Variants in SACS observed in about 807,000 individuals in gnomAD.
The protein encoded by SACS is sacsin molecular chaperone.
A neutral mutation model predicts 348.0 loss-of-function variants in SACS; 197 were observed. The observed-to-expected ratio is 0.57, with a 90% CI of 0.50 to 0.64. The LOEUF is 0.64. Among genes scored for constraint, SACS ranks in the 30% least tolerant of loss-of-function variants. SACS has a pLI of 0.00. For missense variants in SACS, 4,999 were observed against 5,360.8 expected (o/e 0.93, Z 2.11); for synonymous variants, 1,985 against 1,910.6 (o/e 1.04, Z -1.02).
chr13:23,430,445 A>G (rs1874389819), intron 1 of SACS, among the ~76,000 whole-genome samples: 1 of 152,196 alleles, frequency 6.6e-6, no homozygotes, highest in Non-Finnish European at 1.5e-5. Flanking sequence ...CAGATAAACC[A>G]CGAATTATTT....
intron 2 of SACS, among the ~76,000 whole-genome samples, chr13:23,388,478 G>GGT (rs1197217224): frequency 7.5e-4 from 71 of 95,026 alleles, no homozygotes; most frequent in African/African-American, 2.1e-3. Flanking sequence ...ATAAAAATAT[G>GGT]GTGTGTGTGT....
chr13:23,340,995 G>C lies in SACS; in HGVS notation c.2881C>G (p.Arg961Gly). 1 of 1,614,082 alleles carries C rather than the reference G, an allele frequency of 6.2e-7. No individual in the cohort carries two copies. Among genetic ancestry groups the C allele is most frequent in the Non-Finnish European group, 8.5e-7 (1 of 1,179,958 alleles). ...HHTAKLPADL[R>G]LSISVIDSSD... ...CTGTCTATTACTGAAATAGAAAGTC[G>C]CAGATCTGCTGGGAGTTTGGCAGTA... The change falls in exon 10 of 10, where the codon CGA becomes GGA. Residue 961 changes from arginine (R) to glycine (G), a missense_variant. By Grantham distance (125) the Arg-to-Gly change is moderately radical (BLOSUM62 -2). Around this residue, in one of 6 missense-constraint regions of SACS, gnomAD observed 3,156 missense variants for 3,380.1 expected, o/e 0.93. Coordinates refer to ENST00000382292, the MANE Select transcript of SACS (RefSeq NM_014363.6).
chr13:23,409,774 G>A (rs999062565), intron 2 of SACS, among the ~76,000 whole-genome samples: 3 of 152,106 alleles, frequency 2.0e-5, no homozygotes, highest in Admixed American at 6.5e-5. Context: ...AATTTGGTAC[G>A]TAAAGCCTAT....
Position 23,337,499 on chromosome 13 carries a change from A to G in SACS, c.6377T>C (p.Ile2126Thr), listed in dbSNP as rs373982540. 1.5e-5 allele frequency: 25 copies of G among 1,613,848 alleles called. No individual in the cohort carries two copies. The highest frequency in any genetic ancestry group is 1.5e-4 in the African/African-American group (11 of 74,932). Residue 2126 changes from isoleucine (I) to threonine (T), a missense_variant, in exon 10 of 10, where the codon ATT (isoleucine) becomes ACT (threonine). Physicochemically the swap from Ile to Thr is moderately conservative, Grantham distance 89. Around this residue, in one of 6 missense-constraint regions of SACS, gnomAD observed 3,156 missense variants for 3,380.1 expected, o/e 0.93. Transcript: ENST00000382292. ...ACCATAAGGGAATCTCCCATCTTTA[A>G]TATCAAATAACTTTGCAACTCGTCC... ...PEGRVAKLFD[I>T]KDGRFPYGST...
At position 23,337,416 on chromosome 13, in the gene SACS, C is replaced by T. The variant is rs146031135; in HGVS notation, c.6460G>A (p.Ala2154Thr). 23 of 1,612,556 alleles carry T rather than the reference C, an allele frequency of 1.4e-5. No homozygotes were observed. Among genetic ancestry groups the T allele is most frequent in the African/African-American group, 5.3e-5 (4 of 74,902 alleles). The change falls in exon 10 of 10, where the codon GCA (alanine) becomes ACA (threonine). Residue 2154 changes from alanine to threonine, a missense_variant. Physicochemically the swap from Ala to Thr is moderately conservative, Grantham distance 58. Transcript: ENST00000382292. ...ILIKLVQLGM[A>T]KDDILWDDML... ...TCATCCCATAAAATATCATCTTTTG[C>T]CATACCTAACTGAACTAGTTTAATC...
chr13:23,347,029 A>C (rs1566075371), intron 9 of SACS, among the ~76,000 whole-genome samples: 1 of 152,228 alleles, frequency 6.6e-6, no homozygotes, highest in African/African-American at 2.4e-5. Context: ...GCTATATTTC[A>C]GTGCAAACTA....
chr13:23,389,839 T>C (rs1371997722), intron 2 of SACS, among the ~76,000 whole-genome samples: 1 of 152,218 alleles, frequency 6.6e-6, no homozygotes, highest in African/African-American at 2.4e-5. Flanking sequence ...TTTTTGCTTC[T>C]TTTTGCAGGG....
intron 3 of SACS, among the ~76,000 whole-genome samples, chr13:23,372,705 A>G (rs1871471356): frequency 2.0e-5 from 3 of 152,140 alleles, no homozygotes; most frequent in Admixed American, 6.5e-5. Context: ...CAAACTGGTC[A>G]TCATACTTCC....
intron 1 of SACS, chr13:23,428,976 G>A (rs1237157426): frequency 1.3e-5 from 2 of 152,144 alleles, no homozygotes; most frequent in Non-Finnish European, 2.9e-5. Context: ...GTGGAGGCAG[G>A]AGACTAGAAG....
At chr13:23,357,221 A>G (rs1050376438) in intron 7 of SACS, among the ~76,000 whole-genome samples, 2 of 152,132 alleles carry the variant, frequency 1.3e-5, no homozygotes, top group Non-Finnish European at 2.9e-5. Flanking sequence ...GGCTTTTGCT[A>G]CTCACATCTG....
intron 4 of SACS, among the ~76,000 whole-genome samples, chr13:23,368,867 T>G (rs1871212624): frequency 6.6e-6 from 1 of 150,452 alleles, no homozygotes; most frequent in African/African-American, 2.4e-5. Context: ...CCCAGCTAAT[T>G]TTTTTGTATT....
rs777490190 is a variant in SACS, at chr13:23,331,236, C to T, written c.12640G>A (p.Asp4214Asn). ...AIIVQEVERE[D>N]ADNSSFLGKI... ...CCTAGAAAACTAGAATTGTCAGCAT[C>T]TTCTCTTTCAACTTCTTGTACAATA... Residue 4214 changes from aspartate (D) to asparagine (N), a missense_variant, in exon 10 of 10, where the codon GAT (aspartate) becomes AAT (asparagine). Asp to Asn is a conservative substitution (Grantham distance 23). Transcript: ENST00000382292. 3.1e-6 allele frequency: 5 copies of T among 1,613,780 alleles called. No individual in the cohort carries two copies. In the Admixed American group the frequency reaches 5.0e-5, roughly 16 times the overall value.
intron 2 of SACS, among the ~76,000 whole-genome samples, chr13:23,381,483 A>C (rs1437865473): frequency 6.6e-6 from 1 of 152,152 alleles, no homozygotes; most frequent in Non-Finnish European, 1.5e-5. Context: ...CACAGGATCA[A>C]TACACAAGCA....
intron 1 of SACS, among the ~76,000 whole-genome samples, chr13:23,421,034 T>G (rs1873918392): frequency 6.6e-6 from 1 of 151,988 alleles, no homozygotes; most frequent in Middle Eastern, 3.2e-3. Flanking sequence ...TGGGGCCTGG[T>G]GTCCACCTAA....
intron 2 of SACS, 174 bp from the exon 3 acceptor site, chr13:23,375,443 C>CGCGCGGGCCGGGAGGGCGGGATCCGCATG (rs1871711174): frequency 1.6e-5 from 19 of 1,184,584 alleles, no homozygotes; most frequent in Middle Eastern, 3.4e-4. Context: ...CCACAGGCCC[C>CGCGCGGGCCGGGAGGGCGGGATCCGCATG]GCGCGGGCCG....
At chr13:23,392,189 C>T (rs1387732606) in intron 2 of SACS, among the ~76,000 whole-genome samples, 1 of 152,184 alleles carries the variant, frequency 6.6e-6, no homozygotes, top group Non-Finnish European at 1.5e-5. Flanking sequence ...TGGTACTCAT[C>T]AGGACTGTAA....
Position 23,333,860 on chromosome 13 carries a change from G to A in SACS, c.10016C>T (p.Ser3339Phe). Residue 3339 changes from serine to phenylalanine, a missense_variant, in exon 10 of 10, where the codon TCC (serine) becomes TTC (phenylalanine). By Grantham distance (155) the Ser-to-Phe change is radical. Transcript: ENST00000382292. The part of the protein sequence containing the change: ...CIQLALNKIC[S>F]KDSAFVPLLS... Reference sequence around the variant, plus strand: ...CAAAGGAACAAATGCACTGTCTTTGGAACAGATTTTGTTCAAAGCAAGCTG... The same window carrying A: ...CAAAGGAACAAATGCACTGTCTTTGAAACAGATTTTGTTCAAAGCAAGCTG... 1 of 1,613,796 alleles carries A rather than the reference G, an allele frequency of 6.2e-7. No individual in the cohort carries two copies.
At position 23,339,282 on chromosome 13, in the gene SACS, CTGAGAAT is replaced by C; in HGVS notation, c.4587_4593del (p.Phe1530IlefsTer5). The C allele has an allele frequency of 6.2e-7, 1 of 1,604,776 alleles. No homozygotes were observed. Among genetic ancestry groups the C allele is most frequent in the Non-Finnish European group, 8.5e-7 (1 of 1,176,278 alleles). Reference sequence around the variant, plus strand: ...CTAGTTATGTTCACAAAATCTGAATCTGAGAATTGAGAATTGTTGAATGACCACAAAG... The same window carrying C: ...CTAGTTATGTTCACAAAATCTGAATCTGAGAATTGTTGAATGACCACAAAG... On this transcript the variant is annotated frameshift_variant, in exon 10 of 10. Coordinates refer to ENST00000382292, the MANE Select transcript of SACS (RefSeq NM_014363.6). LOFTEE classifies it high-confidence loss of function.
chr13:23,423,012 G>A (rs757379035), intron 1 of SACS, among the ~76,000 whole-genome samples: 2 of 152,058 alleles, frequency 1.3e-5, no homozygotes, highest in Admixed American at 6.5e-5. Context: ...GTAAAAACAC[G>A]TTTTGTAGAA....
Sources: allele counts gnomAD v4.1 joint callset (sites outside exome capture counted in the v4.1 genomes callset), GRCh38; gene constraint gnomAD v4.1.1; regional missense constraint gnomAD v4.1.1; transcripts MANE v1.5; gene names NCBI Gene and HGNC (gene_info 2026-07-23, HGNC 2026-07-21).